The following KANK4 variants were observed in gnomAD, a reference collection of about 807,000 sequenced individuals.
KANK4 encodes the protein KN motif and ankyrin repeat domains 4.
In KANK4, 50 loss-of-function variants were observed where a neutral mutation model predicts 80.8. The ratio of observed to expected loss-of-function variants is 0.62; its 90% CI spans 0.49 to 0.78. KANK4 has a LOEUF of 0.78. Among genes scored for constraint, KANK4 ranks in the 30% least tolerant of loss-of-function variants. KANK4 has a pLI of 0.00. For synonymous variants in KANK4, 465 were observed against 506.9 expected (o/e 0.92, Z 1.11); for missense variants, 1,196 against 1,240.1 (o/e 0.96, Z 0.53).
At chr1:62,267,062 G>A (rs1365523677) in intron 5 of KANK4, among the ~76,000 whole-genome samples, 1 of 152,036 alleles carries the variant, frequency 6.6e-6, no homozygotes, top group Non-Finnish European at 1.5e-5. Context: ...TTTTGTCAGG[G>A]GCTGGGGCCA....
intron 8 of KANK4, among the ~76,000 whole-genome samples, chr1:62,252,391 G>T (rs968534154): frequency 6.6e-6 from 1 of 152,248 alleles, no homozygotes; most frequent in African/African-American, 2.4e-5. Flanking sequence ...ACTCACAATT[G>T]TTGGTGCAGA....
intron 6 of KANK4, among the ~76,000 whole-genome samples, chr1:62,264,649 C>T (rs1008859865): frequency 1.4e-4 from 21 of 152,084 alleles, no homozygotes; most frequent in African/African-American, 4.1e-4. Flanking sequence ...GGTGTGGTGC[C>T]GGGCTTGCAT....
At chr1:62,244,567 AG>A (rs1160773262) in intron 9 of KANK4, among the ~76,000 whole-genome samples, 1 of 152,014 alleles carries the variant, frequency 6.6e-6, no homozygotes, top group African/African-American at 2.4e-5. Flanking sequence ...TTCCTGCAAA[AG>A]CTCTCTCTTT....
intron 7 of KANK4, among the ~76,000 whole-genome samples, chr1:62,254,089 A>T (rs1233624754): frequency 1.3e-5 from 2 of 152,310 alleles, no homozygotes; most frequent in South Asian, 4.1e-4. Context: ...TGTGCCAAGT[A>T]CCAGGAGGGT....
chr1:62,255,943 C>G (rs549080557), intron 7 of KANK4, among the ~76,000 whole-genome samples: 4 of 152,296 alleles, frequency 2.6e-5, no homozygotes, highest in African/African-American at 9.6e-5. Flanking sequence ...AGTCACTATG[C>G]CCAGCCTAAT....
intron 7 of KANK4, among the ~76,000 whole-genome samples, chr1:62,261,620 A>C (rs1671888720): frequency 6.6e-6 from 1 of 152,054 alleles, no homozygotes; most frequent in African/African-American, 2.4e-5. Flanking sequence ...CTTTTAGAGA[A>C]TTACCCTGGT....
intron 1 of KANK4, among the ~76,000 whole-genome samples, chr1:62,300,290 C>T (rs1217456956): frequency 1.3e-5 from 2 of 152,150 alleles, no homozygotes; most frequent in Admixed American, 6.5e-5. Context: ...AGACCAGCCT[C>T]GACAGATTGT....
chr1:62,277,714 C>G (rs1235179507), intron 2 of KANK4, among the ~76,000 whole-genome samples: 1 of 152,220 alleles, frequency 6.6e-6, no homozygotes, highest in African/African-American at 2.4e-5. Flanking sequence ...CAGCCCCAAG[C>G]AGTTCCAGTC....
chr1:62,249,000 T>TAA (rs374742301), intron 8 of KANK4, among the ~76,000 whole-genome samples: 8 of 137,612 alleles, frequency 5.8e-5, no homozygotes, highest in African/African-American at 1.9e-4. Context: ...CTGTCTCTAC[T>TAA]AAAAAAAAAA....
chr1:62,259,408 C>G (rs1199350636), intron 7 of KANK4, among the ~76,000 whole-genome samples: 3 of 152,160 alleles, frequency 2.0e-5, no homozygotes, highest in Non-Finnish European at 2.9e-5. Context: ...TCCTGAGTAG[C>G]TGGGACCACA....
At chr1:62,243,361 C>A (rs1570956313) in intron 9 of KANK4, among the ~76,000 whole-genome samples, 2 of 148,192 alleles carry the variant, frequency 1.3e-5, no homozygotes, top group Admixed American at 1.3e-4. Context: ...TTTTTTGAGA[C>A]AGAGTTTTGT....
intron 4 of KANK4, among the ~76,000 whole-genome samples, chr1:62,270,438 G>A (rs1261960214): frequency 6.6e-6 from 1 of 151,136 alleles, no homozygotes; most frequent in Non-Finnish European, 1.5e-5. Flanking sequence ...ATGGAATGCA[G>A]TGGCACAATC....
At position 62,268,438 on chromosome 1, in the gene KANK4, C is replaced by G; in HGVS notation, c.2080G>C (p.Glu694Gln). 1 of 1,613,932 alleles carries G rather than the reference C, an allele frequency of 6.2e-7. No homozygotes were observed. The highest frequency in any genetic ancestry group is 8.5e-7 in the Non-Finnish European group (1 of 1,180,024). ...GGGCCGTCACACTTCTTCTCTGCCT[C>G]GCTGTCAGACAAGTCCTCTGGGGTG... ...DSTPEDLSDSEAEKKCDGPDH... is the reference protein window; with the variant it reads ...DSTPEDLSDSQAEKKCDGPDH... Residue 694 changes from glutamate to glutamine, a missense_variant, in exon 5 of 10, where the codon GAG (glutamate) becomes CAG (glutamine). Glu to Gln is a conservative substitution (Grantham distance 29). Around this residue, in one of 3 missense-constraint regions of KANK4, gnomAD observed 1,154 missense variants for 1,179.6 expected, o/e 0.98. Coordinates refer to ENST00000371153, the MANE Select transcript of KANK4 (RefSeq NM_181712.5).
intron 1 of KANK4, among the ~76,000 whole-genome samples, chr1:62,298,852 T>A (rs1012087940): frequency 1.3e-5 from 2 of 152,238 alleles, no homozygotes; most frequent in African/African-American, 4.8e-5. Context: ...TTGAGAGTTG[T>A]TGTGTGGTAT....
chr1:62,293,475 A>G lies in KANK4; in HGVS notation c.-70-11841T>C, dbSNP rs145327247. Reference sequence around the variant, plus strand: ...CTAAGGGTTTCTAAAAGAATAAAAAATGCATCTCAAATATGTGTATTCTCT... The same window carrying G: ...CTAAGGGTTTCTAAAAGAATAAAAAGTGCATCTCAAATATGTGTATTCTCT... On this transcript the variant is annotated intron_variant, in intron 1 of 9. Coordinates refer to ENST00000371153, the MANE Select transcript of KANK4 (RefSeq NM_181712.5). 3.7e-3 allele frequency among the ~76,000 whole-genome samples: 568 copies of G among 152,324 alleles called. 8 individuals carry two copies. The highest frequency in any genetic ancestry group is 5.7e-3 in the Non-Finnish European group (388 of 68,034).
At chr1:62,255,266 C>T (rs1480909601) in intron 7 of KANK4, among the ~76,000 whole-genome samples, 2 of 152,106 alleles carry the variant, frequency 1.3e-5, no homozygotes. Context: ...GATATGTATC[C>T]ATATTCCTCC....
chr1:62,314,238 T>C (rs1644521442), intron 1 of KANK4, among the ~76,000 whole-genome samples: 1 of 152,172 alleles, frequency 6.6e-6, no homozygotes, highest in East Asian at 1.9e-4. Context: ...GGTCTCGAAC[T>C]CCTGACCTCA....
rs1264751039 is a variant in KANK4, at chr1:62,238,172, C to T, written c.*105G>A. On this transcript the variant is annotated 3_prime_UTR_variant, in exon 10 of 10. Transcript: ENST00000371153. ...GTGCATATTTGACATAGTTTCTTCT[C>T]TAGAAGGGTGGCTCTCTGGCCTGTG... 1 of 696,466 alleles carries T rather than the reference C, an allele frequency of 1.4e-6. No individual in the cohort carries two copies. The highest frequency in any genetic ancestry group is 2.5e-6 in the Non-Finnish European group (1 of 402,026). The allele number at this position is 696,466 out of a possible 1,614,324, so 43.1% of individuals were successfully genotyped here.
At chr1:62,271,662 CT>C (rs1172978702) in intron 3 of KANK4, 73 bp from the exon 4 acceptor site, 3 of 1,094,644 alleles carry the variant, frequency 2.7e-6, no homozygotes, top group Non-Finnish European at 2.8e-6. Context: ...CAGGATATTG[CT>C]TTGAGGGGAC....
Sources: gnomAD v4.1 joint callset for allele counts (sites outside exome capture counted in the v4.1 genomes callset) on GRCh38, gnomAD v4.1.1 for gene constraint, gnomAD v4.1.1 regional missense constraint, MANE v1.5 for transcripts, NCBI Gene and HGNC (gene_info 2026-07-23, HGNC 2026-07-21) for gene names.